The following FMR1 variants were observed in gnomAD, a reference collection of about 807,000 sequenced individuals.
The protein encoded by FMR1 is fragile X messenger ribonucleoprotein 1.
FMR1 carries 13 observed loss-of-function variants against 50.6 expected under a neutral mutation model. The ratio of observed to expected loss-of-function variants is 0.26; its 90% CI spans 0.17 to 0.41. FMR1 has a LOEUF of 0.41. FMR1 is among the 10% of genes least tolerant of loss of function. The probability of loss-of-function intolerance (pLI) is 1.00; values close to 1 mark genes in which losing one functional copy is unlikely to be tolerated. For missense variants in FMR1, 316 were observed against 491.3 expected (o/e 0.64, Z 3.37); for synonymous variants, 138 against 164.1 (o/e 0.84, Z 1.22).
intron 3 of FMR1, 26 bp from the exon 4 acceptor site, chrX:147,928,296 T>C (rs1557177892): frequency 8.7e-7 from 1 of 1,147,829 alleles, no homozygotes; most frequent in East Asian, 3.0e-5. Context: ...AATCATGAAA[T>C]ATTCTGTGTT....
rs1931619585 is a variant in FMR1, at chrX:147,912,057, C to CGGCGGCGGCGGCGGCGGA, written c.-106_-105insAGGCGGCGGCGGCGGCGG. The CGGCGGCGGCGGCGGCGGA allele has an allele frequency of 2.0e-5, 3 of 149,936 alleles. No homozygotes were observed. Among genetic ancestry groups the CGGCGGCGGCGGCGGCGGA allele is most frequent in the African/African-American group, 1.0e-4 (3 of 28,733 alleles). 12.4% of individuals were successfully genotyped at this position (149,936 alleles called of 1,213,427 possible). On this transcript the variant is annotated 5_prime_UTR_variant, in exon 1 of 17. Transcript: ENST00000370475. ...CAGGGGGCGTGCGGCAGCGCGGCGG[C>CGGCGGCGGCGGCGGCGGA]GGCGGCGGCGGCGGCGGCGGCGGAG... is the stretch of plus-strand genomic sequence containing the variant.
At chrX:147,933,365 A>ACT in intron 9 of FMR1, 1 of 679,038 alleles carries the variant, frequency 1.5e-6, no homozygotes, top group East Asian at 4.3e-5. Flanking sequence ...TTCTTATGGG[A>ACT]CTATAAAATG....
At chrX:147,926,482 C>CT (rs1557177583) in intron 3 of FMR1, among the ~76,000 whole-genome samples, 2 of 110,070 alleles carry the variant, frequency 1.8e-5, no homozygotes, top group Non-Finnish European at 3.8e-5. Flanking sequence ...TCCTTCAGTT[C>CT]TTTATTTATT....
intron 2 of FMR1, among the ~76,000 whole-genome samples, chrX:147,925,318 T>C (rs1310095246): frequency 2.7e-5 from 3 of 111,951 alleles, no homozygotes; most frequent in Admixed American, 9.5e-5. Flanking sequence ...TAGAGAAATA[T>C]TCCAAACGGG....
At chrX:147,937,330 G>T in intron 10 of FMR1, 136 bp from the exon 11 acceptor site, 9 of 452,512 alleles carry the variant, frequency 2.0e-5, no homozygotes, top group East Asian at 3.9e-5. Context: ...ATTTGTATTC[G>T]GTAATTTTAT....
At chrX:147,931,533 A>G (rs1557178691) in intron 7 of FMR1, among the ~76,000 whole-genome samples, 1 of 111,958 alleles carries the variant, frequency 8.9e-6, no homozygotes, top group African/African-American at 3.2e-5. Flanking sequence ...TTCACTACTA[A>G]TATTAAAGAG....
rs2044263876 is a variant in FMR1, at chrX:147,949,067, A to T, written c.*223A>T. The T allele has an allele frequency of 2.1e-6, 1 of 486,174 alleles. No individual in the cohort carries two copies. Among genetic ancestry groups the T allele is most frequent in the Non-Finnish European group, 3.7e-6 (1 of 270,875 alleles). 40.1% of individuals were successfully genotyped at this position (486,174 alleles called of 1,213,427 possible). ...TAAAATTTGAAACATTGCTTTTAAA[A>T]CTACTTAGCACTTCAGGGCAGATTT... is the stretch of plus-strand genomic sequence containing the variant. On this transcript the variant is annotated 3_prime_UTR_variant, in exon 17 of 17. Transcript: ENST00000370475.
chrX:147,917,354 C>T (rs1281048180), intron 1 of FMR1, among the ~76,000 whole-genome samples: 1 of 112,104 alleles, frequency 8.9e-6, no homozygotes, highest in Non-Finnish European at 1.9e-5. Flanking sequence ...CTAGGCATTA[C>T]ATACTTTCAT....
intron 1 of FMR1, chrX:147,912,901 G>T: frequency 3.5e-6 from 1 of 289,749 alleles, no homozygotes; most frequent in Non-Finnish European, 6.0e-6. Context: ...ACATGGCCCA[G>T]CAGTGCATTG....
At chrX:147,925,029 T>A in intron 2 of FMR1, 1 of 134,320 alleles carries the variant, frequency 7.4e-6, no homozygotes, top group South Asian at 2.1e-4. Flanking sequence ...GACCACCTCG[T>A]GGGATCTAAA....
intron 16 of FMR1, chrX:147,946,928 C>G: frequency 8.9e-6 from 1 of 112,204 alleles, no homozygotes. Context: ...TGGTAAATTA[C>G]TGTATGTACC....
At chrX:147,948,623 G>A (rs1314023819) in intron 16 of FMR1, 60 bp from the exon 17 acceptor site, 15 of 1,205,321 alleles carry the variant, frequency 1.2e-5, no homozygotes, top group African/African-American at 1.2e-4. Context: ...TTCTTGTCAG[G>A]CCAATTACAG....
chrX:147,948,000 C>A (rs1333892017), intron 16 of FMR1, among the ~76,000 whole-genome samples: 3 of 112,075 alleles, frequency 2.7e-5, no homozygotes, highest in Non-Finnish European at 5.6e-5. Flanking sequence ...TCTTTATACT[C>A]TCCTAGGATT....
In FMR1 at chrX:147,937,516, T is replaced by C; in HGVS notation, c.1041T>C (p.Pro347=). Residue 347 remains proline, a synonymous_variant, in exon 11 of 17, where the codon CCT becomes CCC. Coordinates refer to ENST00000370475, the MANE Select transcript of FMR1 (RefSeq NM_002024.6). ...CTTCCAATAATTCAAGGGTTGGACC[T>C]AATGCCCCAGAAGAAAAAAAACATT... is the stretch of plus-strand genomic sequence containing the variant. ...SLPSNNSRVG[P]NAPEEKKHLD... The C allele has an allele frequency of 8.3e-7, 1 of 1,205,112 alleles. No homozygotes were observed. Among genetic ancestry groups the C allele is most frequent in the Non-Finnish European group, 1.1e-6 (1 of 889,853 alleles).
rs946892032 is a variant in FMR1, at chrX:147,925,405, A to G, written c.105-135A>G. 9.3e-6 allele frequency: 5 copies of G among 540,153 alleles called. No homozygotes were observed. In the African/African-American group the frequency reaches 1.1e-4, roughly 12 times the overall value. 44.5% of individuals were successfully genotyped at this position (540,153 alleles called of 1,213,427 possible). On this transcript the variant is annotated intron_variant, in intron 2 of 16. Coordinates refer to ENST00000370475, the MANE Select transcript of FMR1 (RefSeq NM_002024.6). Reference sequence around the variant, plus strand: ...GTTATGTCCCACTCAGCAAAAACTGATGATTTTAAAGCTTTTGCTTCTTGA... The same window carrying G: ...GTTATGTCCCACTCAGCAAAAACTGGTGATTTTAAAGCTTTTGCTTCTTGA...
rs1931632283 is a variant in FMR1 at position 147,912,066 on chromosome X, C to CGGCGGCGGA, written c.-106_-105insAGGCGGCGG. ...TGCGGCAGCGCGGCGGCGGCGGCGGCGGCGGCGGCGGCGGAGGCGGCGGCG... is the reference window on the plus strand; with the variant it reads ...TGCGGCAGCGCGGCGGCGGCGGCGGCGGCGGCGGAGGCGGCGGCGGCGGAGGCGGCGGCG... On this transcript the variant is annotated 5_prime_UTR_variant, in exon 1 of 17. Coordinates refer to ENST00000370475, the MANE Select transcript of FMR1 (RefSeq NM_002024.6). 1 of 229,160 alleles carries CGGCGGCGGA rather than the reference C, an allele frequency of 4.4e-6. No homozygotes were observed. Among genetic ancestry groups the CGGCGGCGGA allele is most frequent in the Non-Finnish European group, 6.0e-6 (1 of 165,974 alleles). The allele number at this position is 229,160 out of a possible 1,213,427, so 18.9% of individuals were successfully genotyped here.
Position 147,949,865 on chromosome X carries a change from G to C in FMR1, c.*1021G>C. 1 of 327,832 alleles carries C rather than the reference G, an allele frequency of 3.1e-6. No individual in the cohort carries two copies. The highest frequency in any genetic ancestry group is 5.9e-6 in the Non-Finnish European group (1 of 169,563). 27.0% of individuals were successfully genotyped at this position (327,832 alleles called of 1,213,427 possible). A position where few individuals can be genotyped will look rare whatever the true frequency, so the allele number is the denominator to read the frequency against. ...TTTCAAGCTTATTTTGGAGAGATAG[G>C]AAGGTCATTTCCATGTATGCATAAT... On this transcript the variant is annotated 3_prime_UTR_variant, in exon 17 of 17. Coordinates refer to ENST00000370475, the MANE Select transcript of FMR1 (RefSeq NM_002024.6).
chrX:147,933,974 A>G lies in FMR1; in HGVS notation c.880+1211A>G, dbSNP rs1003398907. On this transcript the variant is annotated intron_variant, in intron 9 of 16. Coordinates refer to ENST00000370475, the MANE Select transcript of FMR1 (RefSeq NM_002024.6). The stretch of plus-strand genomic sequence containing the variant: ...AAGTGTTAGCTCAACTGTGTACTAC[A>G]GACAACTGGAGAAATGTGTTTGTAA... 5.6e-5 allele frequency among the ~76,000 whole-genome samples: 6 copies of G among 107,849 alleles called. No individual in the cohort carries two copies. The South Asian group carries it at 2.3e-3, about 42-fold the overall frequency. The allele number at this position is 107,849 out of a possible 115,157, so 93.7% of individuals were successfully genotyped here. A position where few individuals can be genotyped will look rare whatever the true frequency, so the allele number is the denominator to read the frequency against.
chrX:147,928,847 A>G (rs1358430981), intron 5 of FMR1, 40 bp downstream of exon 5: 1 of 1,160,143 alleles, frequency 8.6e-7, no homozygotes, highest in Non-Finnish European at 1.2e-6. Flanking sequence ...CTTGGAAGTG[A>G]TATGCAATTA....
Sources: gnomAD v4.1 joint callset for allele counts (sites outside exome capture counted in the v4.1 genomes callset) on GRCh38, gnomAD v4.1.1 for gene constraint, MANE v1.5 for transcripts, NCBI Gene and HGNC (gene_info 2026-07-23, HGNC 2026-07-21) for gene names.